CHTF18: variants seen among roughly 807,000 people sequenced by gnomAD.
CHTF18 encodes chromosome transmission fidelity factor 18.
In CHTF18, 151 loss-of-function variants were observed where a neutral mutation model predicts 113.4. The observed-to-expected ratio is 1.33, with a 90% CI of 1.17 to 1.52. The LOEUF (loss-of-function observed/expected upper bound fraction) is 1.52. Among genes scored for constraint, CHTF18 ranks in the 40% most tolerant of loss-of-function variants. The pLI is 0.00. For synonymous variants in CHTF18, 916 were observed against 598.8 expected (o/e 1.53, Z -7.74); for missense variants, 1,982 against 1,381.6 (o/e 1.43, Z -6.89).
Position 792,230 on chromosome 16 carries a change from C to T in CHTF18, c.1209C>T (p.Asp403=), listed in dbSNP as rs867934427. Residue 403 remains aspartate, a synonymous_variant, in exon 10 of 22, where the codon GAC becomes GAT. Transcript: ENST00000262315. ...CCTGACCTCCCCATTGCAGTGACGACCGTAGCCCGGAGGTCTTCCGCACAC... is the reference window on the plus strand; with the variant it reads ...CCTGACCTCCCCATTGCAGTGACGATCGTAGCCCGGAGGTCTTCCGCACAC... ...YSVVEMNASD[D]RSPEVFRTRI... 5.1e-6 allele frequency: 8 copies of T among 1,570,678 alleles called. No individual in the cohort carries two copies. The highest frequency in any genetic ancestry group is 1.4e-5 in the African/African-American group (1 of 73,610).
In CHTF18 at chr16:793,069, GCGGC is replaced by G; in HGVS notation, c.1671+10_1671+13del. On this transcript the variant is annotated splice_donor_region_variant and intron_variant, in intron 13 of 21. Coordinates refer to ENST00000262315, the MANE Select transcript of CHTF18 (RefSeq NM_022092.3). Reference sequence around the variant, plus strand: ...GCCTGCATCAACACCCTGCAGGTGGGCGGCCGGCAGGCACCGGGTGGGGTGGGGT... The same window carrying G: ...GCCTGCATCAACACCCTGCAGGTGGGCGGCAGGCACCGGGTGGGGTGGGGT... The G allele has an allele frequency of 6.4e-7, 1 of 1,563,232 alleles. No individual in the cohort carries two copies. The highest frequency in any genetic ancestry group is 8.7e-7 in the Non-Finnish European group (1 of 1,154,554).
At chr16:794,915 G>A in intron 15 of CHTF18, 1 of 579,968 alleles carries the variant, frequency 1.7e-6, no homozygotes, top group Non-Finnish European at 3.1e-6. Flanking sequence ...TGCTCAGGGT[G>A]GACCCTCCCC....
At position 796,983 on chromosome 16, in the gene CHTF18, T is replaced by C; in HGVS notation, c.2624T>C (p.Leu875Pro). The change falls in exon 20 of 22, where the codon CTC (leucine) becomes CCC (proline). Residue 875 changes from leucine (L) to proline (P), a missense_variant. Leu to Pro is a moderately conservative substitution (Grantham distance 98). Transcript: ENST00000262315. ...SPQVDGSPPG[L>P]EGLLGGIGEK... ...CAGGTGGATGGGAGCCCCCCAGGGC[T>C]CGAGGGTCTGCTGGGGGGCATTGGG... The C allele has an allele frequency of 6.5e-7, 1 of 1,531,978 alleles. No homozygotes were observed. Among genetic ancestry groups the C allele is most frequent in the Non-Finnish European group, 8.8e-7 (1 of 1,138,546 alleles). The allele number at this position is 1,531,978 out of a possible 1,614,324, so 94.9% of individuals were successfully genotyped here. A position where few individuals can be genotyped will look rare whatever the true frequency, so the allele number is the denominator to read the frequency against.
At chr16:791,405 C>A in intron 8 of CHTF18, 35 bp downstream of exon 8, 1 of 1,562,018 alleles carries the variant, frequency 6.4e-7, no homozygotes, top group Non-Finnish European at 8.6e-7. Context: ...GGGAACAAGC[C>A]TGAGGCTTTG....
chr16:793,510 AGTGTG>A, intron 14 of CHTF18: 1 of 608,034 alleles, frequency 1.6e-6, no homozygotes, highest in East Asian at 2.8e-5. Flanking sequence ...GGACACCCCC[AGTGTG>A]GTGGGGCCTC....
chr16:795,725 CG>C lies in CHTF18; in HGVS notation c.2217del (p.Leu740TrpfsTer37). 6.2e-7 allele frequency: 1 copy of C among 1,606,820 alleles called. No individual in the cohort carries two copies. Among genetic ancestry groups the C allele is most frequent in the Non-Finnish European group, 8.5e-7 (1 of 1,178,148 alleles). On this transcript the variant is annotated frameshift_variant, in exon 17 of 22. Coordinates refer to ENST00000262315, the MANE Select transcript of CHTF18 (RefSeq NM_022092.3). LOFTEE classifies it high-confidence loss of function. ...RMSQMRNLIQ[T>X]LVSGIAPATR... is the part of the protein sequence containing the mutation. ...AGCCAGATGAGGAACCTGATCCAGACGCTGGTGTCCGGCATCGCGCCAGCCA... is the reference window on the plus strand; with the variant it reads ...AGCCAGATGAGGAACCTGATCCAGACCTGGTGTCCGGCATCGCGCCAGCCA...
At chr16:789,851 G>A (rs888593392) in intron 4 of CHTF18, 136 bp downstream of exon 4, 26 of 1,320,694 alleles carry the variant, frequency 2.0e-5, no homozygotes, top group South Asian at 8.5e-5. Context: ...GGGAGGCTGC[G>A]TCATGGGGCG....
Position 792,257 on chromosome 16 carries a change from C to T in CHTF18, c.1236C>T (p.Arg412=), listed in dbSNP as rs1459847894. ...DDRSPEVFRT[R]IEAATQMESV... Reference sequence around the variant, plus strand: ...GTAGCCCGGAGGTCTTCCGCACACGCATCGAGGCGGCCACCCAGATGGAGT... The same window carrying T: ...GTAGCCCGGAGGTCTTCCGCACACGTATCGAGGCGGCCACCCAGATGGAGT... The change falls in exon 10 of 22, where the codon CGC becomes CGT. Residue 412 remains arginine (R), a synonymous_variant. Transcript: ENST00000262315. 1 of 1,565,466 alleles carries T rather than the reference C, an allele frequency of 6.4e-7. No homozygotes were observed. The highest frequency in any genetic ancestry group is 8.6e-7 in the Non-Finnish European group (1 of 1,156,142).
At chr16:790,687 A>G (rs933528184) in intron 7 of CHTF18, 21 bp downstream of exon 7, 2 of 1,514,704 alleles carry the variant, frequency 1.3e-6, no homozygotes, top group Admixed American at 2.2e-5. Flanking sequence ...GTTCTCACTC[A>G]AGTGTGGCTG....
chr16:796,797 G>A lies in CHTF18; in HGVS notation c.2537G>A (p.Arg846His), dbSNP rs202175778. 343 of 1,611,138 alleles carry A rather than the reference G, an allele frequency of 2.1e-4. No individual in the cohort carries two copies. Among genetic ancestry groups the A allele is most frequent in the Middle Eastern group, 3.3e-4 (2 of 6,056 alleles). Residue 846 changes from arginine (R) to histidine (H), a missense_variant, in exon 19 of 22, where the codon CGC becomes CAC. By Grantham distance (29) the Arg-to-His change is conservative. Transcript: ENST00000262315. ...TACCAGACGAAGCAGCTCATCGCCCGCGAGATCGAGGTGGAGAAGATGCGG... is the reference window on the plus strand; with the variant it reads ...TACCAGACGAAGCAGCTCATCGCCCACGAGATCGAGGTGGAGAAGATGCGG... ...LTYQTKQLIA[R>H]EIEVEKMRRA...
intron 5 of CHTF18, 31 bp downstream of exon 5, chr16:790,300 G>A (rs1346268840): frequency 6.2e-7 from 1 of 1,609,672 alleles, no homozygotes; most frequent in Admixed American, 1.7e-5. Flanking sequence ...GGGGGGCGGT[G>A]GCGGGGCCGC....
chr16:794,304 G>A (rs2042280094), intron 15 of CHTF18, 103 bp downstream of exon 15: 2 of 1,383,530 alleles, frequency 1.4e-6, no homozygotes, highest in East Asian at 2.4e-5. Context: ...GAGGCGCTTT[G>A]GGGGTGCTGA....
In CHTF18 at chr16:797,185, G is replaced by A; in HGVS notation, c.2733+93G>A. ...ATGAGGCGGGGCCAAGGCACCCATG[G>A]GGTGGGGCCAGGGTACCTTTGTGGG... On this transcript the variant is annotated intron_variant, in intron 20 of 21. Coordinates refer to ENST00000262315, the MANE Select transcript of CHTF18 (RefSeq NM_022092.3). The A allele has an allele frequency of 3.6e-6, 5 of 1,398,414 alleles. No individual in the cohort carries two copies. In the Admixed American group the frequency reaches 1.3e-4, roughly 38 times the overall value. 86.6% of individuals were successfully genotyped at this position (1,398,414 alleles called of 1,614,324 possible). A position where few individuals can be genotyped will look rare whatever the true frequency, so the allele number is the denominator to read the frequency against.
chr16:794,924 C>T (rs1381363735), intron 15 of CHTF18: 3 of 585,690 alleles, frequency 5.1e-6, no homozygotes, highest in Non-Finnish European at 9.1e-6. Flanking sequence ...TGGACCCTCC[C>T]CCGACCCCTT....
chr16:789,317 C>A lies in CHTF18; in HGVS notation c.394C>A (p.Pro132Thr). ...CGACTCCTCGCCGACGGACATCACC[C>A]CGCCGCCGAGCCCTGAGGACCTCGC... The part of the protein sequence containing the change: ...PPDSSPTDIT[P>T]PPSPEDLAEL... Residue 132 changes from proline to threonine, a missense_variant, in exon 3 of 22, where the codon CCG (proline) becomes ACG (threonine). Transcript: ENST00000262315. 6.2e-7 allele frequency: 1 copy of A among 1,601,386 alleles called. No homozygotes were observed. The highest frequency in any genetic ancestry group is 1.1e-5 in the South Asian group (1 of 89,176).
rs764039390 is a variant in CHTF18 at position 789,623 on chromosome 16, C to G, written c.514C>G (p.Pro172Ala). 5 of 1,608,572 alleles carry G rather than the reference C, an allele frequency of 3.1e-6. No individual in the cohort carries two copies. The highest frequency in any genetic ancestry group is 2.7e-5 in the African/African-American group (2 of 74,950). The change falls in exon 4 of 22, where the codon CCC (proline) becomes GCC (alanine). Residue 172 changes from proline to alanine, a missense_variant. Transcript: ENST00000262315. ...CCGCAATCCCGTCCTGAGGCGGCCC[C>G]CCATCTTGGAGGACTACGTCCACGT... ...AARNPVLRRP[P>A]ILEDYVHVTS...
chr16:789,424 C>G lies in CHTF18; in HGVS notation c.437+64C>G, dbSNP rs972744301. Reference sequence around the variant, plus strand: ...CAGTGGGACTCAGATGGAGCCCATCCCGTGCCCTGGATGAGGCCTGGGGGG... The same window carrying G: ...CAGTGGGACTCAGATGGAGCCCATCGCGTGCCCTGGATGAGGCCTGGGGGG... On this transcript the variant is annotated intron_variant, in intron 3 of 21. Coordinates refer to ENST00000262315, the MANE Select transcript of CHTF18 (RefSeq NM_022092.3). 5 of 1,535,498 alleles carry G rather than the reference C, an allele frequency of 3.3e-6. No individual in the cohort carries two copies. The African/African-American group carries it at 6.9e-5, about 21-fold the overall frequency.
At position 792,737 on chromosome 16, in the gene CHTF18, C is replaced by T; in HGVS notation, c.1498C>T (p.Gln500Ter). ...CCTCAGGTTCGCACCGTCCCTGCGG[C>T]AGCTGAAGCAGCAGGCCTTCCTGCT... ...CNDQFAPSLR[Q>*]LKQQAFLLHF... Residue 500 changes from glutamine to a stop codon, truncating the protein, a stop_gained, in exon 12 of 22, where the codon CAG (glutamine) becomes TAG (stop). Transcript: ENST00000262315. LOFTEE classifies it high-confidence loss of function. The T allele has an allele frequency of 6.4e-7, 1 of 1,554,804 alleles. No individual in the cohort carries two copies. Among genetic ancestry groups the T allele is most frequent in the Non-Finnish European group, 8.7e-7 (1 of 1,154,554 alleles).
At position 789,340 on chromosome 16, in the gene CHTF18, C is replaced by T. The variant is rs201334006; in HGVS notation, c.417C>T (p.Leu139=). The T allele has an allele frequency of 1.2e-4, 184 of 1,599,026 alleles. 1 individual carries two copies. The highest frequency in any genetic ancestry group is 6.8e-5 in the Admixed American group (4 of 58,532). ...CCCCGCCGCCGAGCCCTGAGGACCT[C>T]GCAGAGCTTTGGGGCCACGGGTGTG... ...DITPPPSPED[L]AELWGHGVSE... Residue 139 remains leucine (L), a synonymous_variant, in exon 3 of 22, where the codon CTC becomes CTT. Coordinates refer to ENST00000262315, the MANE Select transcript of CHTF18 (RefSeq NM_022092.3).
Sources: gnomAD v4.1 joint callset for allele counts on GRCh38, gnomAD v4.1.1 for gene constraint, MANE v1.5 for transcripts, NCBI Gene and HGNC (gene_info 2026-07-23, HGNC 2026-07-21) for gene names.